Variants in NCK1 observed in about 807,000 individuals in gnomAD.
NCK1 encodes the protein NCK adaptor protein 1.
A neutral mutation model predicts 36.6 loss-of-function variants in NCK1; 19 were observed. The ratio of observed to expected loss-of-function variants is 0.52; its 90% confidence interval spans 0.36 to 0.76. NCK1 has a LOEUF of 0.76. Ranked by LOEUF, NCK1 falls within the 30% of genes least tolerant of loss-of-function variation. The probability of loss-of-function intolerance (pLI) is 0.00; values close to 1 mark genes in which losing one functional copy is unlikely to be tolerated. For synonymous variants in NCK1, 165 were observed against 156.0 expected (o/e 1.06, Z -0.43); for missense variants, 358 against 445.6 (o/e 0.80, Z 1.77).
rs1940956047 is a variant in NCK1 at position 136,950,912 on chromosome 3, A to G, written c.*2459A>G. On this transcript the variant is annotated 3_prime_UTR_variant, in exon 4 of 4. Coordinates refer to ENST00000481752, the MANE Select transcript of NCK1 (RefSeq NM_001291999.2). ...TTTAGAACATGATATAAGCTTTGTG[A>G]CAAAAACAAATGCCATTGTGTCCCT... Among the ~76,000 whole-genome samples the G allele has an allele frequency of 6.6e-6, 1 of 152,188 alleles. No homozygotes were observed. The highest frequency in any genetic ancestry group is 1.5e-5 in the Non-Finnish European group (1 of 68,020).
chr3:136,928,297 A>C (rs1940298775), intron 2 of NCK1, 70 bp downstream of exon 2: 2 of 1,403,152 alleles, frequency 1.4e-6, no homozygotes. Context: ...TTTGTACATA[A>C]TTCTGGCAGC....
At chr3:136,865,343 C>A (rs1466566440) in intron 1 of NCK1, among the ~76,000 whole-genome samples, 1 of 152,168 alleles carries the variant, frequency 6.6e-6, no homozygotes, top group African/African-American at 2.4e-5. Context: ...CCTCCGCCTC[C>A]CAAAGTGCTG....
chr3:136,916,226 C>T (rs1171477125), intron 1 of NCK1, among the ~76,000 whole-genome samples: 1 of 152,076 alleles, frequency 6.6e-6, no homozygotes, highest in Non-Finnish European at 1.5e-5. Context: ...TGGTAGAGTC[C>T]TAAAACCATT....
At position 136,946,335 on chromosome 3, in the gene NCK1, G is replaced by C. The variant is rs777784341; in HGVS notation, c.939+40G>C. The C allele has an allele frequency of 1.0e-5, 15 of 1,496,450 alleles. No homozygotes were observed. In the Admixed American group the frequency reaches 3.0e-4, roughly 30 times the overall value. The allele number at this position is 1,496,450 out of a possible 1,614,324, so 92.7% of individuals were successfully genotyped here. On this transcript the variant is annotated intron_variant, in intron 3 of 3. Coordinates refer to ENST00000481752, the MANE Select transcript of NCK1 (RefSeq NM_001291999.2). ...GGAGGTAAATACAAATAGAGCTCTG[G>C]GTATTTTAAAAAAAAGAGAGAGAGA...
At chr3:136,929,863 T>C (rs1169525004) in intron 2 of NCK1, among the ~76,000 whole-genome samples, 3 of 152,180 alleles carry the variant, frequency 2.0e-5, no homozygotes, top group Admixed American at 6.5e-5. Flanking sequence ...AAATCTAAAA[T>C]CCCATTTAAA....
intron 3 of NCK1, among the ~76,000 whole-genome samples, chr3:136,947,864 G>A (rs768049545): frequency 6.6e-6 from 1 of 152,124 alleles, no homozygotes; most frequent in South Asian, 2.1e-4. Flanking sequence ...TTGAAAAGGG[G>A]TTGGGTGGGT....
chr3:136,890,898 C>T (rs995547826), intron 1 of NCK1, among the ~76,000 whole-genome samples: 1 of 152,192 alleles, frequency 6.6e-6, no homozygotes, highest in Non-Finnish European at 1.5e-5. Context: ...TCTGCCATCC[C>T]CCCAACCTCT....
intron 2 of NCK1, chr3:136,930,405 A>C: frequency 8.2e-7 from 1 of 1,223,720 alleles, no homozygotes; most frequent in Non-Finnish European, 1.0e-6. Flanking sequence ...TTTTGGAAAG[A>C]GAAGCCTCAG....
chr3:136,893,184 A>G (rs867365639), intron 1 of NCK1, among the ~76,000 whole-genome samples: 1,495 of 11,526 alleles, frequency 0.13, 281 homozygotes, highest in East Asian at 0.62. Context: ...GTGTGTATAT[A>G]TATATATACA....
chr3:136,908,300 T>G (rs1393289888), intron 1 of NCK1, among the ~76,000 whole-genome samples: 1 of 152,230 alleles, frequency 6.6e-6, no homozygotes, highest in Non-Finnish European at 1.5e-5. Context: ...TACTTTTAAA[T>G]TAGTTTTTAA....
At chr3:136,881,768 A>AGG (rs1938944618) in intron 1 of NCK1, among the ~76,000 whole-genome samples, 2 of 152,196 alleles carry the variant, frequency 1.3e-5, no homozygotes, top group African/African-American at 4.8e-5. Context: ...TGTACCTCAT[A>AGG]TAAATGGAAT....
chr3:136,942,431 T>A (rs967766299), intron 2 of NCK1, among the ~76,000 whole-genome samples: 5 of 152,210 alleles, frequency 3.3e-5, no homozygotes, highest in Non-Finnish European at 7.3e-5. Flanking sequence ...TTCCATTTGC[T>A]TAGTAATCAG....
chr3:136,863,595 G>C (rs1938313291), intron 1 of NCK1, among the ~76,000 whole-genome samples: 2 of 152,154 alleles, frequency 1.3e-5, no homozygotes, highest in South Asian at 4.1e-4. Context: ...CACAAACTCT[G>C]AGACTTCTTT....
chr3:136,894,382 T>C (rs1939338163), intron 1 of NCK1, among the ~76,000 whole-genome samples: 1 of 152,160 alleles, frequency 6.6e-6, no homozygotes, highest in African/African-American at 2.4e-5. Flanking sequence ...ACCCTAGCCA[T>C]TGGTTCAGTG....
chr3:136,928,853 C>T (rs1237582852), intron 2 of NCK1: 4 of 145,296 alleles, frequency 2.8e-5, no homozygotes, highest in African/African-American at 1.0e-4. Flanking sequence ...AAGGAATGGC[C>T]TCTTCTTTAA....
Position 136,903,082 on chromosome 3 carries a change from C to G in NCK1, c.-18-24902C>G, listed in dbSNP as rs140446637. Among the ~76,000 whole-genome samples, 103 of 152,326 alleles carry G rather than the reference C, an allele frequency of 6.8e-4. No homozygotes were observed. In the East Asian group the frequency reaches 0.019, roughly 28 times the overall value. On this transcript the variant is annotated intron_variant, in intron 1 of 3. Transcript: ENST00000481752. ...TAACTATTATCGTAGTGGAATCTAT[C>G]TCTCCTTACAGATCTAATAATACTT...
intron 1 of NCK1, among the ~76,000 whole-genome samples, chr3:136,866,768 C>T (rs1938426063): frequency 6.6e-6 from 1 of 152,086 alleles, no homozygotes; most frequent in Non-Finnish European, 1.5e-5. Flanking sequence ...TGCATGCCAC[C>T]ACGCCTGGCT....
chr3:136,902,360 G>A (rs892897695), intron 1 of NCK1, among the ~76,000 whole-genome samples: 1 of 151,948 alleles, frequency 6.6e-6, no homozygotes, highest in Non-Finnish European at 1.5e-5. Flanking sequence ...ACCATGCCTG[G>A]CTGATTTGTA....
intron 1 of NCK1, among the ~76,000 whole-genome samples, chr3:136,881,200 C>T (rs527288589): frequency 2.6e-5 from 4 of 152,166 alleles, no homozygotes; most frequent in South Asian, 2.1e-4. Context: ...CATCTCTTCA[C>T]TTACACTATT....
Sources: allele counts gnomAD v4.1 joint callset (sites outside exome capture counted in the v4.1 genomes callset), GRCh38; gene constraint gnomAD v4.1.1; transcripts MANE v1.5; gene names NCBI Gene and HGNC (gene_info 2026-07-23, HGNC 2026-07-21).